The following EIF4E2 variants were observed in gnomAD, a reference collection of about 807,000 sequenced individuals.
EIF4E2 encodes eukaryotic translation initiation factor 4E type 2.
In EIF4E2, 13 loss-of-function variants were observed where a neutral mutation model predicts 34.2. That is an observed-to-expected ratio of 0.38 (90% CI 0.25 to 0.60). The LOEUF is 0.60. Among genes scored for constraint, EIF4E2 ranks in the 20% least tolerant of loss-of-function variants. The pLI is 0.62. For synonymous variants in EIF4E2, 100 were observed against 106.6 expected (o/e 0.94, Z 0.38); for missense variants, 222 against 315.1 (o/e 0.70, Z 2.24).
chr2:232,551,131 C>T, intron 1 of EIF4E2: 1 of 563,034 alleles, frequency 1.8e-6, no homozygotes, highest in Admixed American at 2.2e-5. Context: ...TCCCCACACA[C>T]TCCCTCTCCC....
At chr2:232,567,367 A>C in intron 6 of EIF4E2, 153 bp downstream of exon 6, 1 of 1,448,824 alleles carries the variant, frequency 6.9e-7, no homozygotes, top group Non-Finnish European at 9.1e-7. Context: ...TACTTGCTGC[A>C]GTTCTTTGTC....
chr2:232,564,703 G>A (rs1323700363), intron 4 of EIF4E2, among the ~76,000 whole-genome samples: 1 of 152,160 alleles, frequency 6.6e-6, no homozygotes, highest in Non-Finnish European at 1.5e-5. Context: ...CGCCCGCCTT[G>A]GACTCCCAAA....
At chr2:232,557,551 G>A (rs1692569477) in intron 2 of EIF4E2, 1 of 247,372 alleles carries the variant, frequency 4.0e-6, no homozygotes, top group Non-Finnish European at 8.0e-6. Context: ...GGCACAAACA[G>A]GTTAAGTAAC....
At chr2:232,558,247 A>G (rs1324021794) in intron 3 of EIF4E2, 50 of 421,554 alleles carry the variant, frequency 1.2e-4, no homozygotes, top group Non-Finnish European at 1.8e-4. Flanking sequence ...TCAGAAGGGC[A>G]TAATACAAAA....
intron 6 of EIF4E2, among the ~76,000 whole-genome samples, chr2:232,579,420 G>A (rs1206654017): frequency 6.6e-6 from 1 of 152,096 alleles, no homozygotes; most frequent in East Asian, 1.9e-4. Context: ...AATACCAGTG[G>A]ACTTTTGAGA....
At chr2:232,551,135 C>T (rs1286832203) in intron 1 of EIF4E2, 5 of 556,320 alleles carry the variant, frequency 9.0e-6, no homozygotes, top group Non-Finnish European at 1.8e-5. Context: ...CACACACTCC[C>T]TCTCCCCTCT....
At chr2:232,563,038 A>G (rs1253959984) in intron 3 of EIF4E2, among the ~76,000 whole-genome samples, 12 of 152,342 alleles carry the variant, frequency 7.9e-5, no homozygotes, top group Admixed American at 3.9e-4. Context: ...GGTGCTCCCC[A>G]TATCTAGAAG....
chr2:232,567,787 C>T, intron 6 of EIF4E2: 1 of 986,100 alleles, frequency 1.0e-6, no homozygotes, highest in Non-Finnish European at 1.2e-6. Context: ...CCCTAGGACT[C>T]AGGGAAATAG....
At position 232,566,990 on chromosome 2, in the gene EIF4E2, C is replaced by A. The variant is rs752499820; in HGVS notation, c.528+9C>A. On this transcript the variant is annotated intron_variant, in intron 5 of 6. Transcript: ENST00000258416. The surrounding 1 kb of genome is among the most constrained non-coding windows in gnomAD (Gnocchi z 4.9). ...TGTCTGTCCGCTTTCAGGTAAGCCA[C>A]CCATGAGCCAGGCTGGTTTCTTGTG... 1 of 1,589,730 alleles carries A rather than the reference C, an allele frequency of 6.3e-7. No individual in the cohort carries two copies. Among genetic ancestry groups the A allele is most frequent in the Non-Finnish European group, 8.6e-7 (1 of 1,167,392 alleles).
exon 7 of EIF4E2, chr2:232,582,957 T>A (rs1387985956): frequency 6.6e-6 from 1 of 152,224 alleles, no homozygotes; most frequent in Non-Finnish European, 1.5e-5. Context: ...GGGTTATGCC[T>A]GTTAGGCAGC....
downstream of EIF4E2, chr2:232,574,101 G>A: frequency 1.3e-6 from 1 of 771,116 alleles, no homozygotes; most frequent in Non-Finnish European, 2.3e-6. Context: ...TCCTCGGAAA[G>A]GAAAGTCCAG....
At chr2:232,568,689 C>G (rs1693016582) in intron 6 of EIF4E2, 1 of 985,304 alleles carries the variant, frequency 1.0e-6, no homozygotes, top group Admixed American at 6.2e-5. Context: ...TACCATAAGG[C>G]AGTTCTTCGT....
chr2:232,557,788 T>G, intron 2 of EIF4E2, 96 bp from the exon 3 acceptor site: 1 of 1,378,184 alleles, frequency 7.3e-7, no homozygotes, highest in Non-Finnish European at 1.0e-6. Flanking sequence ...CCTTTTTTAA[T>G]TGTGGAGGTG....
At chr2:232,557,730 T>C (rs1692574353) in intron 2 of EIF4E2, 154 bp from the exon 3 acceptor site, 2 of 830,810 alleles carry the variant, frequency 2.4e-6, no homozygotes, top group Non-Finnish European at 3.8e-6. Flanking sequence ...GGAAATGTAC[T>C]GTGTAAGCAG....
chr2:232,577,972 A>C (rs1227310751), intron 6 of EIF4E2, among the ~76,000 whole-genome samples: 1 of 152,092 alleles, frequency 6.6e-6, no homozygotes, highest in Non-Finnish European at 1.5e-5. Context: ...CTGCCTCCTA[A>C]TCTCTCTGCG....
intron 6 of EIF4E2, chr2:232,574,281 T>C: frequency 2.6e-6 from 4 of 1,550,606 alleles, no homozygotes; most frequent in Non-Finnish European, 3.5e-6. Flanking sequence ...AGGAGTTTCA[T>C]GGCCTGGTGA....
At chr2:232,583,289 G>A (rs1344573641) in exon 7 of EIF4E2, 1 of 83,438 alleles carries the variant, frequency 1.2e-5, no homozygotes, top group Non-Finnish European at 2.6e-5. Context: ...ACTTTGCACA[G>A]TTGGAGCTGT....
rs190181438 is a variant in EIF4E2 at position 232,551,308 on chromosome 2, C to A, written c.20+564C>A. On this transcript the variant is annotated intron_variant, in intron 1 of 6. Coordinates refer to ENST00000258416, the MANE Select transcript of EIF4E2 (RefSeq NM_004846.4). Reference sequence around the variant, plus strand: ...TCCTACTTTCTTTCTCCTCCCCTTCCCGTTCCCGTCTTCCAACACACTCGC... The same window carrying A: ...TCCTACTTTCTTTCTCCTCCCCTTCACGTTCCCGTCTTCCAACACACTCGC... 9.3e-4 allele frequency: 437 copies of A among 471,214 alleles called. 2 individuals carry two copies. The highest frequency in any genetic ancestry group is 8.2e-3 in the African/African-American group (412 of 50,220). The allele number at this position is 471,214 out of a possible 1,614,324, so 29.2% of individuals were successfully genotyped here.
intron 6 of EIF4E2, among the ~76,000 whole-genome samples, chr2:232,579,162 A>G (rs1293929622): frequency 7.9e-6 from 1 of 126,124 alleles, no homozygotes; most frequent in Non-Finnish European, 1.7e-5. Context: ...ACACACACAC[A>G]CACACCAGTT....
Sources: gnomAD v4.1 joint callset for allele counts (sites outside exome capture counted in the v4.1 genomes callset) on GRCh38, gnomAD v4.1.1 for gene constraint, Gnocchi (gnomAD v3.1) non-coding constraint, MANE v1.5 for transcripts, NCBI Gene and HGNC (gene_info 2026-07-23, HGNC 2026-07-21) for gene names.